NUP153: variants seen among roughly 807,000 people sequenced by gnomAD.
NUP153 encodes nuclear pore complex protein Nup153.
Under a neutral mutation model 134.6 loss-of-function variants are expected in NUP153, and 27 were observed. The ratio of observed to expected loss-of-function variants is 0.20; its 90% CI spans 0.15 to 0.28. The LOEUF is 0.28. Among genes scored for constraint, NUP153 ranks in the 10% least tolerant of loss-of-function variants. NUP153 has a pLI of 1.00. For synonymous variants in NUP153, 640 were observed against 623.5 expected, an observed-to-expected ratio of 1.03 and a Z score of -0.40; for missense variants, 1,821 against 1,731.3, an observed-to-expected ratio of 1.05 and a Z score of -0.92.
intron 15 of NUP153, among the ~76,000 whole-genome samples, chr6:17,639,521 A>G (rs1765732100): frequency 6.6e-6 from 1 of 152,228 alleles, no homozygotes; most frequent in African/African-American, 2.4e-5. Context: ...AATTCAAGTG[A>G]GTACTGCTCC....
intron 11 of NUP153, among the ~76,000 whole-genome samples, chr6:17,655,542 C>G (rs1052202848): frequency 1.3e-5 from 2 of 152,032 alleles, no homozygotes; most frequent in East Asian, 1.9e-4. Flanking sequence ...CAACCTCCCC[C>G]TCCCAGGTTC....
At chr6:17,700,984 G>A (rs1770021204) in intron 1 of NUP153, among the ~76,000 whole-genome samples, 1 of 152,142 alleles carries the variant, frequency 6.6e-6, no homozygotes, top group Non-Finnish European at 1.5e-5. Flanking sequence ...CTTCGCGGGA[G>A]GCCAAGGCAG....
At chr6:17,652,552 G>T (rs1766561917) in intron 11 of NUP153, among the ~76,000 whole-genome samples, 1 of 151,460 alleles carries the variant, frequency 6.6e-6, no homozygotes, top group African/African-American at 2.4e-5. Context: ...ACACAAAGAA[G>T]AATAAAAATA....
intron 14 of NUP153, among the ~76,000 whole-genome samples, chr6:17,645,096 A>G (rs909740868): frequency 1.1e-4 from 16 of 150,996 alleles, no homozygotes; most frequent in African/African-American, 3.2e-4. Flanking sequence ...CAATTAAAAG[A>G]AAAAAAAAGT....
intron 1 of NUP153, among the ~76,000 whole-genome samples, chr6:17,704,754 C>A (rs1212382834): frequency 6.7e-6 from 1 of 149,524 alleles, no homozygotes; most frequent in East Asian, 2.0e-4. Context: ...TTCCTCAAAT[C>A]TTTACTTTTT....
At position 17,669,412 on chromosome 6, in the gene NUP153, G is replaced by C; in HGVS notation, c.969+18C>G. 1.2e-6 allele frequency: 2 copies of C among 1,601,704 alleles called. No homozygotes were observed. The highest frequency in any genetic ancestry group is 1.7e-6 in the Non-Finnish European group (2 of 1,168,768). On this transcript the variant is annotated intron_variant, in intron 6 of 21. Coordinates refer to ENST00000262077, the MANE Select transcript of NUP153 (RefSeq NM_005124.4). ...GTTTTGTTACACTCCTGTATTAATC[G>C]TGATTTTAAAAATTTACCGCTAAAG...
chr6:17,618,810 C>T (rs961703555), intron 20 of NUP153, among the ~76,000 whole-genome samples: 1 of 152,164 alleles, frequency 6.6e-6, no homozygotes, highest in Non-Finnish European at 1.5e-5. Flanking sequence ...TCGTGATCTG[C>T]CCGCCTTGGC....
At chr6:17,647,390 T>C (rs1434189515) in intron 13 of NUP153, among the ~76,000 whole-genome samples, 4 of 152,210 alleles carry the variant, frequency 2.6e-5, no homozygotes, top group Non-Finnish European at 4.4e-5. Flanking sequence ...AGTCTTTAAT[T>C]GGCTCTAGGA....
At chr6:17,624,973 T>C (rs922720743) in intron 19 of NUP153, 140 bp from the exon 20 acceptor site, 1 of 769,690 alleles carries the variant, frequency 1.3e-6, no homozygotes, top group Admixed American at 3.0e-5. Flanking sequence ...CAAGACAAGT[T>C]TTAAATAATG....
intron 1 of NUP153, among the ~76,000 whole-genome samples, chr6:17,691,431 T>G (rs1362169160): frequency 6.6e-6 from 1 of 152,198 alleles, no homozygotes; most frequent in East Asian, 1.9e-4. Flanking sequence ...ATTTCCATAC[T>G]TCAAGACTTG....
chr6:17,671,283 T>G (rs895879106), intron 5 of NUP153, among the ~76,000 whole-genome samples: 1 of 152,220 alleles, frequency 6.6e-6, no homozygotes, highest in Admixed American at 6.5e-5. Context: ...TGTCTTTGTC[T>G]GATTTTGGTC....
At chr6:17,653,258 A>C (rs1269350602) in intron 11 of NUP153, among the ~76,000 whole-genome samples, 1 of 152,228 alleles carries the variant, frequency 6.6e-6, no homozygotes, top group Non-Finnish European at 1.5e-5. Context: ...ATCTCAAAAA[A>C]AGAACTGAAC....
In NUP153 at chr6:17,674,449, G is replaced by A. The variant is rs1372273086; in HGVS notation, c.852+456C>T. On this transcript the variant is annotated intron_variant, in intron 5 of 21. Transcript: ENST00000262077. Reference sequence around the variant, plus strand: ...AATGAAAAAAATATAACCCATAGCTGTTGTTTTCCCAAAGAACAATATTAA... The same window carrying A: ...AATGAAAAAAATATAACCCATAGCTATTGTTTTCCCAAAGAACAATATTAA... Among the ~76,000 whole-genome samples the A allele has an allele frequency of 3.9e-5, 6 of 152,230 alleles. No individual in the cohort carries two copies. In the East Asian group the frequency reaches 7.7e-4, roughly 20 times the overall value.
intron 2 of NUP153, among the ~76,000 whole-genome samples, chr6:17,687,128 T>C (rs570649954): frequency 2.2e-4 from 34 of 152,264 alleles, no homozygotes; most frequent in South Asian, 8.3e-4. Context: ...ATACATAAAC[T>C]GTACAGAGAA....
chr6:17,669,644 T>A, intron 5 of NUP153, 98 bp from the exon 6 acceptor site: 1 of 836,090 alleles, frequency 1.2e-6, no homozygotes, highest in Non-Finnish European at 2.0e-6. Context: ...ATGTCCAAAG[T>A]AAAACAGGAT....
intron 17 of NUP153, 74 bp downstream of exon 17, chr6:17,632,576 A>C (rs1407353026): frequency 2.4e-5 from 28 of 1,152,106 alleles, no homozygotes; most frequent in Non-Finnish European, 3.4e-5. Flanking sequence ...AGCTGTTCTC[A>C]AATACTTCAT....
rs1764897605 is a variant in NUP153, at chr6:17,625,660, G to A, written c.3901+148C>T. 1 of 650,968 alleles carries A rather than the reference G, an allele frequency of 1.5e-6. No homozygotes were observed. The highest frequency in any genetic ancestry group is 2.7e-6 in the Non-Finnish European group (1 of 366,620). 40.3% of individuals were successfully genotyped at this position (650,968 alleles called of 1,614,324 possible). A position where few individuals can be genotyped will look rare whatever the true frequency, so the allele number is the denominator to read the frequency against. The stretch of plus-strand genomic sequence containing the variant: ...CAGAGAGTGTACATTATTCCATACA[G>A]TGAATAATTAAAACAACCCTGGTAT... On this transcript the variant is annotated intron_variant, in intron 19 of 21. Transcript: ENST00000262077. The surrounding 1 kb of genome is among the most constrained non-coding windows in gnomAD (Gnocchi z 4.7).
At chr6:17,689,637 A>C (rs1384828226) in intron 1 of NUP153, among the ~76,000 whole-genome samples, 1 of 151,514 alleles carries the variant, frequency 6.6e-6, no homozygotes, top group African/African-American at 2.4e-5. Context: ...CCTGGGTTCA[A>C]TGGATTCTCC....
Position 17,640,077 on chromosome 6 carries a change from T to G in NUP153, c.1721-13A>C. The G allele has an allele frequency of 6.5e-7, 1 of 1,532,528 alleles. No homozygotes were observed. Among genetic ancestry groups the G allele is most frequent in the Non-Finnish European group, 8.8e-7 (1 of 1,141,070 alleles). 94.9% of individuals were successfully genotyped at this position (1,532,528 alleles called of 1,614,324 possible). A position where few individuals can be genotyped will look rare whatever the true frequency, so the allele number is the denominator to read the frequency against. On this transcript the variant is annotated splice_polypyrimidine_tract_variant and intron_variant, in intron 14 of 21. Coordinates refer to ENST00000262077, the MANE Select transcript of NUP153 (RefSeq NM_005124.4). ...GTGACATGATGAGCTGTAATTTTTT[T>G]AAATTTAATAACATTATGCCAAATA...
Sources: allele counts gnomAD v4.1 joint callset (sites outside exome capture counted in the v4.1 genomes callset), GRCh38; gene constraint gnomAD v4.1.1; non-coding constraint Gnocchi (gnomAD v3.1); transcripts MANE v1.5; gene names NCBI Gene and HGNC (gene_info 2026-07-23, HGNC 2026-07-21).